The following VSIG1 variants were observed in gnomAD, a reference collection of about 807,000 sequenced individuals.
The protein encoded by VSIG1 is V-set and immunoglobulin domain-containing protein 1.
A neutral mutation model predicts 20.1 loss-of-function variants in VSIG1; 11 were observed. The observed-to-expected ratio is 0.55, with a 90% CI of 0.34 to 0.91. The LOEUF is 0.91. Among genes scored for constraint, VSIG1 ranks in the 40% least tolerant of loss-of-function variants. VSIG1 has a pLI of 0.02. For missense variants in VSIG1, 283 were observed against 298.8 expected (o/e 0.95, Z 0.39); for synonymous variants, 126 against 116.7 (o/e 1.08, Z -0.52).
rs1010247125 is a variant in VSIG1, at chrX:108,076,956, G to A, written c.831-92G>A. 9 of 871,809 alleles carry A rather than the reference G, an allele frequency of 1.0e-5. No individual in the cohort carries two copies. The South Asian group carries it at 2.3e-4, about 22-fold the overall frequency. The allele number at this position is 871,809 out of a possible 1,213,427, so 71.8% of individuals were successfully genotyped here. A position where few individuals can be genotyped will look rare whatever the true frequency, so the allele number is the denominator to read the frequency against. ...AGATTTCCTGAAGTCTGGGACCTAT[G>A]GTCATTGAAGCTACAGAACATATGG... is the stretch of plus-strand genomic sequence containing the variant. On this transcript the variant is annotated intron_variant, in intron 6 of 6. Coordinates refer to ENST00000217957, the MANE Select transcript of VSIG1 (RefSeq NM_182607.5).
chrX:108,052,887 T>C (rs1197293407), intron 1 of VSIG1, among the ~76,000 whole-genome samples: 2 of 111,326 alleles, frequency 1.8e-5, no homozygotes, highest in African/African-American at 6.5e-5. Context: ...TTTTCTTTTT[T>C]CCCCCTTGGA....
rs12688845 is a variant in VSIG1 at position 108,069,294 on chromosome X, A to T, written c.412+2160A>T. Among the ~76,000 whole-genome samples the T allele has an allele frequency of 1.7e-3, 187 of 111,689 alleles. 2 individuals are homozygous for T. In the East Asian group the frequency reaches 0.046, roughly 27 times the overall value. ...CATGACTTTTCCTTAAGCAGCCAGGATCCAGACAAGGTAAGAGGCAGAAGG... is the reference window on the plus strand; with the variant it reads ...CATGACTTTTCCTTAAGCAGCCAGGTTCCAGACAAGGTAAGAGGCAGAAGG... On this transcript the variant is annotated intron_variant, in intron 3 of 6. Transcript: ENST00000217957.
At position 108,056,133 on chromosome X, in the gene VSIG1, A is replaced by G. The variant is rs151307240; in HGVS notation, c.50-1905A>G. Among the ~76,000 whole-genome samples, 3 of 111,490 alleles carry G rather than the reference A, an allele frequency of 2.7e-5. No homozygotes were observed. In the East Asian group the frequency reaches 8.5e-4, roughly 31 times the overall value. On this transcript the variant is annotated intron_variant, in intron 1 of 6. Coordinates refer to ENST00000217957, the MANE Select transcript of VSIG1 (RefSeq NM_182607.5). The stretch of plus-strand genomic sequence containing the variant: ...TAGGGTCTGCTCTAAATCAGTGATT[A>G]TCTCATCTCAGGATCCTTAATTACA...
chrX:108,066,294 G>C (rs1043751472), intron 2 of VSIG1, among the ~76,000 whole-genome samples: 8 of 111,147 alleles, frequency 7.2e-5, no homozygotes, highest in Non-Finnish European at 1.9e-5. Context: ...ATCATTGGCT[G>C]AGCACTTCCG....
At chrX:108,072,207 C>T (rs1386051382) in intron 3 of VSIG1, among the ~76,000 whole-genome samples, 1 of 110,108 alleles carries the variant, frequency 9.1e-6, no homozygotes, top group Admixed American at 9.8e-5. Flanking sequence ...GTGCTCTACT[C>T]CCACCTGGTG....
At chrX:108,074,177 A>T (rs985367661) in intron 5 of VSIG1, among the ~76,000 whole-genome samples, 2 of 112,235 alleles carry the variant, frequency 1.8e-5, no homozygotes, top group Admixed American at 9.4e-5. Context: ...AATATATGCC[A>T]TATCCAGGGA....
chrX:108,048,005 CAT>C (rs2030698964), intron 1 of VSIG1, among the ~76,000 whole-genome samples: 2 of 41,340 alleles, frequency 4.8e-5, no homozygotes, highest in South Asian at 2.4e-3. Flanking sequence ...TATATATACA[CAT>C]ATATATATTC....
Position 108,077,168 on chromosome X carries a change from A to G in VSIG1, c.951A>G (p.Glu317=). ...IHETGPDTIQ[E]PDYEPKPTQE... ...AGACTGGCCCTGATACCATCCAAGA[A>G]CCAGACTATGAGCCAAAGCCTACTC... Residue 317 remains glutamate, a synonymous_variant, in exon 7 of 7, where the codon GAA becomes GAG. Transcript: ENST00000217957. The G allele has an allele frequency of 6.6e-6, 8 of 1,211,821 alleles. No homozygotes were observed. In the East Asian group the frequency reaches 2.1e-4, roughly 31 times the overall value.
chrX:108,038,234 A>G, the VSIG1 span, among the ~76,000 whole-genome samples: 1 of 110,889 alleles, frequency 9.0e-6, no homozygotes, highest in Admixed American at 9.6e-5. Context: ...ATTTTTCCTA[A>G]TGCTCTCCTT....
intron 1 of VSIG1, among the ~76,000 whole-genome samples, chrX:108,052,690 G>A (rs189985625): frequency 0.011 from 1,223 of 111,563 alleles, 9 homozygotes; most frequent in Non-Finnish European, 0.017. Flanking sequence ...TAATTAGCTC[G>A]ATGTAATTAT....
Position 108,045,189 on chromosome X carries a change from G to A in VSIG1, c.49+10G>A. On this transcript the variant is annotated intron_variant, in intron 1 of 6. Transcript: ENST00000217957. ...CTAAGCTGCCTTGCAGGTAAGGAAA[G>A]GATCTCCAAACCACCAAATATAATT... 8.5e-7 allele frequency: 1 copy of A among 1,171,118 alleles called. No homozygotes were observed. Among genetic ancestry groups the A allele is most frequent in the South Asian group, 2.0e-5 (1 of 49,971 alleles).
intron 2 of VSIG1, among the ~76,000 whole-genome samples, chrX:108,063,979 T>C (rs1332601794): frequency 8.9e-6 from 1 of 112,361 alleles, no homozygotes; most frequent in Non-Finnish European, 1.9e-5. Context: ...TATTCTTTCT[T>C]TGAAAAGTGT....
the VSIG1 span, among the ~76,000 whole-genome samples, chrX:108,024,418 A>G: frequency 4.8e-4 from 52 of 108,092 alleles, no homozygotes; most frequent in Middle Eastern, 4.9e-3. Context: ...TTTTTTTTCT[A>G]TTGTTTTCTG....
At chrX:108,021,453 A>G in the VSIG1 span, among the ~76,000 whole-genome samples, 1 of 112,292 alleles carries the variant, frequency 8.9e-6, no homozygotes, top group African/African-American at 3.2e-5. Flanking sequence ...TATTATGGAT[A>G]CTAGACCATT....
At chrX:108,050,365 C>T (rs2030760080) in intron 1 of VSIG1, among the ~76,000 whole-genome samples, 1 of 111,704 alleles carries the variant, frequency 9.0e-6, no homozygotes, top group Non-Finnish European at 1.9e-5. Context: ...CACCCTCAAC[C>T]CTCCAACACC....
At chrX:108,059,683 A>C (rs989834769) in intron 2 of VSIG1, among the ~76,000 whole-genome samples, 9 of 112,080 alleles carry the variant, frequency 8.0e-5, no homozygotes, top group African/African-American at 2.9e-4. Flanking sequence ...TCAACTAAGA[A>C]ATTATTGCCT....
At chrX:108,056,040 T>C (rs890441032) in intron 1 of VSIG1, among the ~76,000 whole-genome samples, 8 of 111,591 alleles carry the variant, frequency 7.2e-5, no homozygotes, top group African/African-American at 2.6e-4. Flanking sequence ...CACAGAGCCT[T>C]TCCCTTTGTG....
intron 1 of VSIG1, among the ~76,000 whole-genome samples, chrX:108,055,061 T>C (rs924975720): frequency 9.1e-6 from 1 of 110,011 alleles, no homozygotes. Context: ...CTGACAAACT[T>C]CTAGCAAGAC....
intron 1 of VSIG1, 114 bp downstream of exon 1, chrX:108,045,293 G>A: frequency 9.0e-6 from 5 of 558,605 alleles, no homozygotes; most frequent in Middle Eastern, 1.1e-3. Context: ...AATGAATTGT[G>A]ATTAGTATGA....
Sources: gnomAD v4.1 joint callset for allele counts (sites outside exome capture counted in the v4.1 genomes callset) on GRCh38, gnomAD v4.1.1 for gene constraint, MANE v1.5 for transcripts, NCBI Gene and HGNC (gene_info 2026-07-23, HGNC 2026-07-21) for gene names.